CEP164: variants seen among roughly 807,000 people sequenced by gnomAD.
The protein encoded by CEP164 is centrosomal protein of 164 kDa.
Under a neutral mutation model 182.7 loss-of-function variants are expected in CEP164, and 162 were observed. The ratio of observed to expected loss-of-function variants is 0.89; its 90% CI spans 0.78 to 1.01. The LOEUF is 1.01. CEP164 is among the 50% of genes least tolerant of loss of function. The pLI, the probability that CEP164 is intolerant of heterozygous loss-of-function variation, is 0.00. For missense variants in CEP164, 1,735 were observed against 1,790.4 expected (o/e 0.97, Z 0.56); for synonymous variants, 661 against 690.0 (o/e 0.96, Z 0.66).
At chr11:117,405,474 G>A (rs1024440963) in intron 27 of CEP164, among the ~76,000 whole-genome samples, 11 of 152,058 alleles carry the variant, frequency 7.2e-5, no homozygotes, top group Admixed American at 3.3e-4. Context: ...GCCCTCCATC[G>A]GCTGCACCCA....
Position 117,391,000 on chromosome 11 carries a change from G to T in CEP164, c.2068G>T (p.Ala690Ser). 1 of 1,614,134 alleles carries T rather than the reference G, an allele frequency of 6.2e-7. No homozygotes were observed. Residue 690 changes from alanine (A) to serine (S), a missense_variant and splice_region_variant, in exon 17 of 33, where the codon GCT becomes TCT. Transcript: ENST00000278935. ...TACCATTCCACTGTGTCCACCCAGG[G>T]CTGAGCAAGAGGCTTCCCTGCAGAA... ...STQADEDQIR[A>S]EQEASLQKLR...
intron 5 of CEP164, among the ~76,000 whole-genome samples, chr11:117,358,505 G>A (rs1272330008): frequency 1.3e-5 from 2 of 150,760 alleles, no homozygotes; most frequent in African/African-American, 4.9e-5. Flanking sequence ...AGTTAACCTT[G>A]AAGAAGCTTT....
intron 30 of CEP164, chr11:117,410,354 C>G (rs117201361): frequency 5.2e-4 from 165 of 315,458 alleles, no homozygotes; most frequent in Middle Eastern, 1.0e-3. Flanking sequence ...TCATTTAGTT[C>G]TTAATTCTCT....
At chr11:117,403,846 C>CT (rs1277236852) in intron 27 of CEP164, among the ~76,000 whole-genome samples, 1 of 151,890 alleles carries the variant, frequency 6.6e-6, no homozygotes, top group Non-Finnish European at 1.5e-5. Context: ...GGAGGCTTTG[C>CT]TTGTTCCTTT....
At position 117,354,084 on chromosome 11, in the gene CEP164, T is replaced by C. The variant is rs944617014; in HGVS notation, c.393+2096T>C. ...CAGGCTGGAGTGCAGTGGCACGATC[T>C]TGGATCACTGCAACCTCCGCCCCCT... is the stretch of plus-strand genomic sequence containing the variant. On this transcript the variant is annotated intron_variant, in intron 5 of 32. Coordinates refer to ENST00000278935, the MANE Select transcript of CEP164 (RefSeq NM_014956.5). 3.4e-4 allele frequency among the ~76,000 whole-genome samples: 52 copies of C among 151,834 alleles called. 1 individual carries two copies. The highest frequency in any genetic ancestry group is 1.3e-3 in the African/African-American group (52 of 41,282).
intron 3 of CEP164, among the ~76,000 whole-genome samples, chr11:117,339,229 G>C (rs2037692788): frequency 6.6e-6 from 1 of 152,146 alleles, no homozygotes; most frequent in Non-Finnish European, 1.5e-5. Flanking sequence ...TGTTAAGAGA[G>C]GTATATGACC....
At chr11:117,375,277 C>T (rs2042617679) in intron 10 of CEP164, among the ~76,000 whole-genome samples, 1 of 152,158 alleles carries the variant, frequency 6.6e-6, no homozygotes, top group African/African-American at 2.4e-5. Context: ...CAGTGCGGGG[C>T]CCCATCTGAC....
intron 27 of CEP164, among the ~76,000 whole-genome samples, chr11:117,398,875 G>A (rs2045828190): frequency 6.6e-6 from 1 of 152,222 alleles, no homozygotes. Context: ...CCTATGACAT[G>A]TCCTGGAGAT....
Position 117,391,192 on chromosome 11 carries a change from C to T in CEP164, c.2260C>T (p.Gln754Ter). 1 of 1,611,648 alleles carries T rather than the reference C, an allele frequency of 6.2e-7. No individual in the cohort carries two copies. The highest frequency in any genetic ancestry group is 1.3e-5 in the African/African-American group (1 of 74,904). ...KEKALQQLRE[Q>*]LEGERKEAVA... ...GAAGGCTCTGCAGCAGCTGAGGGAGCAGCTGGAAGGGGAGAGGAAAGAAGT... is the reference window on the plus strand; with the variant it reads ...GAAGGCTCTGCAGCAGCTGAGGGAGTAGCTGGAAGGGGAGAGGAAAGAAGT... The change falls in exon 17 of 33, where the codon CAG becomes TAG. Residue 754 changes from glutamine to a stop codon, truncating the protein, a stop_gained. Transcript: ENST00000278935. LOFTEE classifies it high-confidence loss of function.
chr11:117,361,796 G>A (rs2041012392), intron 5 of CEP164, 39 bp from the exon 6 acceptor site: 1 of 1,612,242 alleles, frequency 6.2e-7, no homozygotes, highest in Non-Finnish European at 8.5e-7. Context: ...AGAGCCACCT[G>A]GTTTCTTGAG....
rs1356196991 is a variant in CEP164 at position 117,400,250 on chromosome 11, C to G, written c.3501+2937C>G. ...TCATTTATTAAATAGGGAATCCTTTCCCCATTTCTTGTTTTTGTCAGGTTT... is the reference window on the plus strand; with the variant it reads ...TCATTTATTAAATAGGGAATCCTTTGCCCATTTCTTGTTTTTGTCAGGTTT... On this transcript the variant is annotated intron_variant, in intron 27 of 32. Transcript: ENST00000278935. 3.9e-5 allele frequency among the ~76,000 whole-genome samples: 6 copies of G among 152,180 alleles called. No individual in the cohort carries two copies. In the East Asian group the frequency reaches 1.2e-3, roughly 29 times the overall value.
rs2047436065 is a variant in CEP164, at chr11:117,412,199, C to A, written c.*31C>A. ...TGAGCAGGGGCTTGGGGCAGCCCAG[C>A]CTCTCCTCCACCCAGACCAAGTGCC... On this transcript the variant is annotated 3_prime_UTR_variant, in exon 33 of 33. Transcript: ENST00000278935. 2 of 1,592,352 alleles carry A rather than the reference C, an allele frequency of 1.3e-6. No individual in the cohort carries two copies. Among genetic ancestry groups the A allele is most frequent in the Non-Finnish European group, 8.6e-7 (1 of 1,162,624 alleles).
intron 27 of CEP164, among the ~76,000 whole-genome samples, chr11:117,406,713 TC>T (rs1337162017): frequency 3.3e-5 from 5 of 152,196 alleles, no homozygotes; most frequent in African/African-American, 1.2e-4. Context: ...GGCAGATACT[TC>T]ATTATTATTA....
intron 8 of CEP164, among the ~76,000 whole-genome samples, chr11:117,370,599 T>G (rs1477095853): frequency 6.6e-6 from 1 of 151,818 alleles, no homozygotes; most frequent in Non-Finnish European, 1.5e-5. Flanking sequence ...TGGGGTGGAG[T>G]CAGGAATCTG....
intron 15 of CEP164, among the ~76,000 whole-genome samples, chr11:117,388,463 C>T (rs2044200596): frequency 1.3e-5 from 2 of 152,232 alleles, no homozygotes; most frequent in Non-Finnish European, 2.9e-5. Context: ...ATCACCAGAA[C>T]CTGTTTCTGT....
chr11:117,351,503 C>T (rs1271395488), intron 4 of CEP164, among the ~76,000 whole-genome samples: 1 of 152,184 alleles, frequency 6.6e-6, no homozygotes, highest in African/African-American at 2.4e-5. Flanking sequence ...CCTGCATTCT[C>T]AAGAACTCCA....
In CEP164 at chr11:117,344,174, G is replaced by C; in HGVS notation, c.91G>C (p.Glu31Gln). 6.2e-7 allele frequency: 1 copy of C among 1,609,552 alleles called. No individual in the cohort carries two copies. The highest frequency in any genetic ancestry group is 8.5e-7 in the Non-Finnish European group (1 of 1,177,712). ...TCTGCCTCTCCTTGCAGAAATTCTT[G>C]AATTTGCCCGGGAGATTGGTATTGA... is the stretch of plus-strand genomic sequence containing the variant. ...TYIPSEQEIL[E>Q]FAREIGIDPI... Residue 31 changes from glutamate (E) to glutamine (Q), a missense_variant, in exon 4 of 33, where the codon GAA becomes CAA. Transcript: ENST00000278935.
chr11:117,393,178 C>T (rs772569225), intron 20 of CEP164, 52 bp downstream of exon 20: 4 of 1,589,256 alleles, frequency 2.5e-6, no homozygotes, highest in Non-Finnish European at 2.6e-6. Flanking sequence ...CACACACATG[C>T]ACGCACATGC....
At chr11:117,352,587 CTTG>C (rs1026486963) in intron 5 of CEP164, among the ~76,000 whole-genome samples, 2 of 152,026 alleles carry the variant, frequency 1.3e-5, no homozygotes, top group African/African-American at 2.4e-5. Flanking sequence ...ATGTGATTTC[CTTG>C]TTGTTGTTTT....
Sources: gnomAD v4.1 joint callset for allele counts (sites outside exome capture counted in the v4.1 genomes callset) on GRCh38, gnomAD v4.1.1 for gene constraint, MANE v1.5 for transcripts, NCBI Gene and HGNC (gene_info 2026-07-23, HGNC 2026-07-21) for gene names.